NDST1: variants seen among roughly 807,000 people sequenced by gnomAD.
The protein encoded by NDST1 is N-deacetylase and N-sulfotransferase 1.
Under a neutral mutation model 92.8 loss-of-function variants are expected in NDST1, and 35 were observed. That is an observed-to-expected ratio of 0.38 (90% CI 0.29 to 0.50). The LOEUF (loss-of-function observed/expected upper bound fraction) is 0.50. NDST1 is among the 20% of genes least tolerant of loss of function. The pLI is 0.94. For synonymous variants in NDST1, 493 were observed against 500.3 expected, an observed-to-expected ratio of 0.99 and a Z score of 0.19; for missense variants, 822 against 1,182.7, an observed-to-expected ratio of 0.69 and a Z score of 4.47.
At position 150,553,465 on chromosome 5, in the gene NDST1, G is replaced by A; in HGVS notation, c.*133G>A. 4 of 1,310,086 alleles carry A rather than the reference G, an allele frequency of 3.1e-6. No homozygotes were observed. The highest frequency in any genetic ancestry group is 4.3e-6 in the Non-Finnish European group (4 of 922,820). The allele number at this position is 1,310,086 out of a possible 1,614,324, so 81.2% of individuals were successfully genotyped here. On this transcript the variant is annotated 3_prime_UTR_variant, in exon 15 of 15. Coordinates refer to ENST00000261797, the MANE Select transcript of NDST1 (RefSeq NM_001543.5). The surrounding 1 kb of genome is among the most constrained non-coding windows in gnomAD (Gnocchi z 4.2). ...ATGAGCAATACTCTGTGGAGGTCTGGTGGGGCTGGGGGAGCACCCAGGCGG... is the reference window on the plus strand; with the variant it reads ...ATGAGCAATACTCTGTGGAGGTCTGATGGGGCTGGGGGAGCACCCAGGCGG...
In NDST1 at chr5:150,539,250, G is replaced by A; in HGVS notation, c.1460G>A (p.Gly487Asp). ...CAGGTTCTCCCACGGCAGACCTGCGGCCTCTTCACACACACCATCTTCTAC... is the reference window on the plus strand; with the variant it reads ...CAGGTTCTCCCACGGCAGACCTGCGACCTCTTCACACACACCATCTTCTAC... ...GIMVLPRQTC[G>D]LFTHTIFYNE... is the part of the protein sequence containing the mutation. The change falls in exon 7 of 15, where the codon GGC becomes GAC. Residue 487 changes from glycine to aspartate, a missense_variant. Transcript: ENST00000261797. The A allele has an allele frequency of 6.2e-7, 1 of 1,614,110 alleles. No individual in the cohort carries two copies. Among genetic ancestry groups the A allele is most frequent in the Non-Finnish European group, 8.5e-7 (1 of 1,180,022 alleles).
upstream of NDST1, among the ~76,000 whole-genome samples, chr5:150,503,717 G>A (rs931832262): frequency 2.0e-4 from 30 of 152,174 alleles, no homozygotes; most frequent in Admixed American, 1.8e-3. Context: ...GCTGCGGGCC[G>A]GCCCTAATGG....
chr5:150,531,249 A>T (rs1251740799), intron 3 of NDST1, among the ~76,000 whole-genome samples: 1 of 152,042 alleles, frequency 6.6e-6, no homozygotes, highest in Non-Finnish European at 1.5e-5. Flanking sequence ...CCGTTGCTTC[A>T]TTGGGTCCTT....
chr5:150,527,920 G>A lies in NDST1; in HGVS notation c.630G>A (p.Thr210=), dbSNP rs1227839785. Residue 210 remains threonine (T), a synonymous_variant, in exon 3 of 15, where the codon ACG becomes ACA. Transcript: ENST00000261797. ...CCAAGTCCCCGCTGCTCTACGTGAC[G>A]CGACCTAGCGAGGTGGAGAAAGGTG... ...INPKSPLLYV[T]RPSEVEKGVL... is the part of the protein sequence containing the mutation. 4 of 1,614,204 alleles carry A rather than the reference G, an allele frequency of 2.5e-6. No individual in the cohort carries two copies. The highest frequency in any genetic ancestry group is 3.4e-6 in the Non-Finnish European group (4 of 1,180,044).
chr5:150,502,147 T>C (rs1204776069), intron 1 of NDST1, among the ~76,000 whole-genome samples: 3 of 152,248 alleles, frequency 2.0e-5, no homozygotes, highest in African/African-American at 4.8e-5. Flanking sequence ...ATGTGAGGAC[T>C]GACTGGTTTG....
chr5:150,529,632 C>T (rs965995149), intron 3 of NDST1, among the ~76,000 whole-genome samples: 1 of 152,182 alleles, frequency 6.6e-6, no homozygotes, highest in Non-Finnish European at 1.5e-5. Context: ...AAATAGAGGG[C>T]AACCATAACA....
intron 2 of NDST1, among the ~76,000 whole-genome samples, chr5:150,526,403 A>T (rs984646041): frequency 5.9e-5 from 9 of 152,136 alleles, no homozygotes; most frequent in African/African-American, 1.9e-4. Context: ...TGACACAGCA[A>T]ATAGTTGTGG....
chr5:150,552,430 C>A, intron 14 of NDST1: 1 of 163,648 alleles, frequency 6.1e-6, no homozygotes, highest in Non-Finnish European at 1.3e-5. Flanking sequence ...AAAAGGGTCA[C>A]AGACTGGGGG....
At chr5:150,524,898 A>G (rs1306729562) in intron 2 of NDST1, among the ~76,000 whole-genome samples, 1 of 152,216 alleles carries the variant, frequency 6.6e-6, no homozygotes, top group African/African-American at 2.4e-5. Context: ...AGAGATGCTC[A>G]ACCTGTGGTA....
chr5:150,527,944 T>A lies in NDST1; in HGVS notation c.654T>A (p.Gly218=). The A allele has an allele frequency of 6.2e-7, 1 of 1,613,974 alleles. No homozygotes were observed. The highest frequency in any genetic ancestry group is 8.5e-7 in the Non-Finnish European group (1 of 1,179,942). The change falls in exon 3 of 15, where the codon GGT becomes GGA. Residue 218 remains glycine, a synonymous_variant. Coordinates refer to ENST00000261797, the MANE Select transcript of NDST1 (RefSeq NM_001543.5). ...YVTRPSEVEK[G]VLPGEDWTVF... ...CGCGACCTAGCGAGGTGGAGAAAGG[T>A]GTGCTCCCCGGCGAGGACTGGACGG...
intron 2 of NDST1, among the ~76,000 whole-genome samples, chr5:150,525,478 G>A (rs1025870870): frequency 9.9e-5 from 15 of 152,194 alleles, no homozygotes; most frequent in African/African-American, 3.6e-4. Context: ...GTAGTTCCCA[G>A]CCTTGGTCAG....
intron 6 of NDST1, among the ~76,000 whole-genome samples, chr5:150,536,401 A>T (rs1288019567): frequency 1.3e-5 from 2 of 151,828 alleles, no homozygotes; most frequent in Non-Finnish European, 2.9e-5. Flanking sequence ...AGCTACTTGC[A>T]GGGCTGAGGC....
chr5:150,550,015 T>A (rs1755651728), intron 13 of NDST1, among the ~76,000 whole-genome samples: 1 of 152,150 alleles, frequency 6.6e-6, no homozygotes, highest in Non-Finnish European at 1.5e-5. Context: ...TTCTCTTTGG[T>A]CTGGGCTGAA....
rs889673772 is a variant in NDST1 at position 150,520,913 on chromosome 5, C to T, written c.-342C>T. ...CGGAGTGAGCGGCATGCAGCACCCC[C>T]GGGCCTGTCCAGTGTCCTCTGGCCT... On this transcript the variant is annotated 5_prime_UTR_variant, in exon 2 of 15. Coordinates refer to ENST00000261797, the MANE Select transcript of NDST1 (RefSeq NM_001543.5). 2.9e-5 allele frequency: 15 copies of T among 513,886 alleles called. No individual in the cohort carries two copies. Among genetic ancestry groups the T allele is most frequent in the Middle Eastern group, 4.9e-4 (1 of 2,042 alleles). 31.8% of individuals were successfully genotyped at this position (513,886 alleles called of 1,614,324 possible). A position where few individuals can be genotyped will look rare whatever the true frequency, so the allele number is the denominator to read the frequency against.
At chr5:150,540,369 C>G (rs1423716321) in intron 8 of NDST1, 105 bp downstream of exon 8, 4 of 1,236,112 alleles carry the variant, frequency 3.2e-6, no homozygotes, top group Non-Finnish European at 4.5e-6. Flanking sequence ...CATGCCTTCA[C>G]ACTCTCGCTC....
chr5:150,506,972 G>A (rs951289632), upstream of NDST1, among the ~76,000 whole-genome samples: 9 of 152,292 alleles, frequency 5.9e-5, no homozygotes, highest in South Asian at 8.3e-4. Flanking sequence ...CCTGGCTTCC[G>A]TCCTCACTGG....
intron 1 of NDST1, among the ~76,000 whole-genome samples, chr5:150,508,490 AAGG>A (rs756620808): frequency 6.6e-6 from 1 of 152,090 alleles, no homozygotes; most frequent in East Asian, 1.9e-4. Flanking sequence ...GATGGAGGAG[AAGG>A]AGGAGGAGGC....
At position 150,539,326 on chromosome 5, in the gene NDST1, C is replaced by G; in HGVS notation, c.1536C>G (p.Gly512=). ...SSELDKIING[G]ELFLTVLLNP... ...AGCTGGACAAGATCATCAACGGGGG[C>G]GAGCTCTTCCTCACCGTGCTCCTCA... The change falls in exon 7 of 15, where the codon GGC becomes GGG. Residue 512 remains glycine (G), a synonymous_variant. Coordinates refer to ENST00000261797, the MANE Select transcript of NDST1 (RefSeq NM_001543.5). The G allele has an allele frequency of 6.2e-7, 1 of 1,614,106 alleles. No homozygotes were observed.
At chr5:150,541,188 C>T (rs1489456883) in intron 8 of NDST1, among the ~76,000 whole-genome samples, 2 of 152,172 alleles carry the variant, frequency 1.3e-5, no homozygotes, top group East Asian at 3.8e-4. Context: ...ACGGCAGAGT[C>T]GAGTAGTTGC....
Sources: gnomAD v4.1 joint callset for allele counts (sites outside exome capture counted in the v4.1 genomes callset) on GRCh38, gnomAD v4.1.1 for gene constraint, Gnocchi (gnomAD v3.1) non-coding constraint, MANE v1.5 for transcripts, NCBI Gene and HGNC (gene_info 2026-07-23, HGNC 2026-07-21) for gene names.